Variants in INPP5D observed in about 807,000 individuals in gnomAD.
INPP5D encodes the protein inositol polyphosphate-5-phosphatase D.
A neutral mutation model predicts 122.9 loss-of-function variants in INPP5D; 33 were observed. The ratio of observed to expected loss-of-function variants is 0.27; its 90% CI spans 0.20 to 0.36. The LOEUF is 0.36. INPP5D is among the 10% of genes least tolerant of loss of function. INPP5D has a pLI of 1.00. For synonymous variants in INPP5D, 584 were observed against 576.2 expected (o/e 1.01, Z -0.19); for missense variants, 1,053 against 1,412.7 (o/e 0.75, Z 4.08).
At position 233,199,705 on chromosome 2, in the gene INPP5D, T is replaced by C. The variant is rs538522201; in HGVS notation, c.2975+1329T>C. ...TTAGCTAGATGTGCTGGCACGCACC[T>C]GTAGTCCCAGCTACTCGGGAGGCTG... On this transcript the variant is annotated intron_variant, in intron 25 of 26. Transcript: ENST00000445964. Among the ~76,000 whole-genome samples the C allele has an allele frequency of 2.6e-5, 4 of 151,664 alleles. No homozygotes were observed. The South Asian group carries it at 8.3e-4, about 32-fold the overall frequency.
chr2:233,206,252 TATC>T lies in INPP5D; in HGVS notation c.3568-450_3568-448del, dbSNP rs1345416611. On this transcript the variant is annotated intron_variant, in intron 26 of 26. Coordinates refer to ENST00000445964, the MANE Select transcript of INPP5D (RefSeq NM_001017915.3). The surrounding 1 kb of genome is among the most constrained non-coding windows in gnomAD (Gnocchi z 4.0). ...GCTATTATGTATTATTACCATGTATTATCATCTATATAGAAATTATATATTTAT... is the reference window on the plus strand; with the variant it reads ...GCTATTATGTATTATTACCATGTATTATCTATATAGAAATTATATATTTAT... 1.3e-5 allele frequency among the ~76,000 whole-genome samples: 2 copies of T among 151,998 alleles called. No homozygotes were observed. The highest frequency in any genetic ancestry group is 6.6e-5 in the Admixed American group (1 of 15,252).
intron 1 of INPP5D, among the ~76,000 whole-genome samples, chr2:233,064,615 C>A (rs189940780): frequency 2.6e-5 from 4 of 152,176 alleles, no homozygotes; most frequent in Non-Finnish European, 5.9e-5. Context: ...AGGTGCAGAG[C>A]GGTTTATGGA....
chr2:233,152,545 G>A lies in INPP5D; in HGVS notation c.1030+4951G>A, dbSNP rs140795392. 6.3e-4 allele frequency among the ~76,000 whole-genome samples: 96 copies of A among 152,330 alleles called. No individual in the cohort carries two copies. In the East Asian group the frequency reaches 0.016, roughly 25 times the overall value. ...AAATATACAAACCAGGAATGTGTCA[G>A]GGAATGATAAACTCTAGACCTGGGG... On this transcript the variant is annotated intron_variant, in intron 9 of 26. Coordinates refer to ENST00000445964, the MANE Select transcript of INPP5D (RefSeq NM_001017915.3).
intron 4 of INPP5D, among the ~76,000 whole-genome samples, chr2:233,129,995 G>A (rs780884404): frequency 2.6e-5 from 4 of 152,078 alleles, no homozygotes; most frequent in Middle Eastern, 3.4e-3. Context: ...TCTGCCTTCC[G>A]GGTTCAAATG....
At position 233,128,546 on chromosome 2, in the gene INPP5D, C is replaced by G. The variant is rs940487653; in HGVS notation, c.525-1962C>G. ...AAGCTGGAACACAGTGGCGCGATCTCGGCTCACTGCAACCTCTACCTCCTG... is the reference window on the plus strand; with the variant it reads ...AAGCTGGAACACAGTGGCGCGATCTGGGCTCACTGCAACCTCTACCTCCTG... On this transcript the variant is annotated intron_variant, in intron 4 of 26. Transcript: ENST00000445964. The surrounding 1 kb of genome is among the most constrained non-coding windows in gnomAD (Gnocchi z 4.5). Among the ~76,000 whole-genome samples the G allele has an allele frequency of 6.6e-6, 1 of 152,146 alleles. No individual in the cohort carries two copies. The highest frequency in any genetic ancestry group is 1.5e-5 in the Non-Finnish European group (1 of 68,034).
intron 5 of INPP5D, among the ~76,000 whole-genome samples, chr2:233,139,047 C>T (rs948743676): frequency 6.6e-6 from 1 of 152,126 alleles, no homozygotes; most frequent in African/African-American, 2.4e-5. Context: ...AGCCACCGTG[C>T]CTGGCCCAGA....
At chr2:233,103,285 G>A (rs1692369973) in intron 2 of INPP5D, among the ~76,000 whole-genome samples, 1 of 152,196 alleles carries the variant, frequency 6.6e-6, no homozygotes, top group Non-Finnish European at 1.5e-5. Context: ...GTGAGCCCTG[G>A]GGTATATGCC....
intron 4 of INPP5D, among the ~76,000 whole-genome samples, chr2:233,130,181 C>G (rs1693280489): frequency 6.6e-6 from 1 of 152,216 alleles, no homozygotes; most frequent in Non-Finnish European, 1.5e-5. Flanking sequence ...AGTTGTGAGC[C>G]ACCATGCCCA....
intron 26 of INPP5D, 54 bp downstream of exon 26, chr2:233,204,771 A>AT: frequency 1.5e-6 from 2 of 1,364,026 alleles, no homozygotes; most frequent in South Asian, 1.5e-5. Context: ...TGCATGCGTG[A>AT]GTGCGTATGT....
intron 20 of INPP5D, 83 bp from the exon 21 acceptor site, chr2:233,185,760 T>C (rs1574795370): frequency 7.9e-7 from 1 of 1,267,226 alleles, no homozygotes; most frequent in African/African-American, 1.6e-5. Flanking sequence ...TCTTCCTAGG[T>C]CTGGGTGGGG....
At chr2:233,190,527 T>C (rs567782741) in intron 22 of INPP5D, among the ~76,000 whole-genome samples, 31 of 146,146 alleles carry the variant, frequency 2.1e-4, no homozygotes, top group African/African-American at 7.7e-4. Flanking sequence ...TGAGGTGTCG[T>C]TCAGGGTCCC....
chr2:233,135,519 A>G (rs1693444200), intron 5 of INPP5D, among the ~76,000 whole-genome samples: 1 of 152,150 alleles, frequency 6.6e-6, no homozygotes, highest in South Asian at 2.1e-4. Flanking sequence ...CTAAATGACA[A>G]GAAAAGATAA....
chr2:233,204,867 CGAGTG>C, intron 26 of INPP5D, 150 bp downstream of exon 26: 1 of 1,201,642 alleles, frequency 8.3e-7, no homozygotes, highest in Non-Finnish European at 1.1e-6. Flanking sequence ...TGCACACATG[CGAGTG>C]ATGGTCCTGG....
chr2:233,170,663 G>A lies in INPP5D; in HGVS notation c.1900+59G>A, dbSNP rs1412678384. The A allele has an allele frequency of 6.3e-7, 1 of 1,591,128 alleles. No homozygotes were observed. The highest frequency in any genetic ancestry group is 8.6e-7 in the Non-Finnish European group (1 of 1,165,838). On this transcript the variant is annotated intron_variant, in intron 16 of 26. Transcript: ENST00000445964. The surrounding 1 kb of genome is among the most constrained non-coding windows in gnomAD (Gnocchi z 4.5). Reference sequence around the variant, plus strand: ...TCACACCTGTAATCCCAGCACTTTAGGAGGCCGAGGCGGGCGGATCACGAG... The same window carrying A: ...TCACACCTGTAATCCCAGCACTTTAAGAGGCCGAGGCGGGCGGATCACGAG...
Position 233,197,445 on chromosome 2 carries a change from C to T in INPP5D, c.2694-650C>T, listed in dbSNP as rs1409940145. The stretch of plus-strand genomic sequence containing the variant: ...CCCTGCTGGAGTCTGCCCTGAAAAT[C>T]CCCTCCTTCCTGCCACCCAGGCTAC... On this transcript the variant is annotated intron_variant, in intron 24 of 26. Coordinates refer to ENST00000445964, the MANE Select transcript of INPP5D (RefSeq NM_001017915.3). This position sits in a 1 kb window ranked among gnomAD's most constrained non-coding sequence, Gnocchi z 4.4. Among the ~76,000 whole-genome samples, 1 of 152,002 alleles carries T rather than the reference C, an allele frequency of 6.6e-6. No individual in the cohort carries two copies. Among genetic ancestry groups the T allele is most frequent in the Non-Finnish European group, 1.5e-5 (1 of 67,984 alleles).
intron 10 of INPP5D, among the ~76,000 whole-genome samples, chr2:233,159,429 G>A (rs1694140048): frequency 6.6e-6 from 1 of 152,104 alleles, no homozygotes; most frequent in African/African-American, 2.4e-5. Flanking sequence ...CACAGTGGGT[G>A]CCTTATGCCC....
chr2:233,090,447 T>TC (rs963416044), intron 2 of INPP5D, among the ~76,000 whole-genome samples: 6 of 151,356 alleles, frequency 4.0e-5, no homozygotes, highest in African/African-American at 1.5e-4. Context: ...CCAACCCATC[T>TC]CCCCCCCATA....
In INPP5D at chr2:233,156,773, A is replaced by G. The variant is rs139853917; in HGVS notation, c.1031-1540A>G. Among the ~76,000 whole-genome samples the G allele has an allele frequency of 4.1e-3, 626 of 152,178 alleles. 4 individuals carry two copies. The highest frequency in any genetic ancestry group is 0.014 in the African/African-American group (591 of 41,498). On this transcript the variant is annotated intron_variant, in intron 9 of 26. Coordinates refer to ENST00000445964, the MANE Select transcript of INPP5D (RefSeq NM_001017915.3). Reference sequence around the variant, plus strand: ...TACCTGGCAGGTACCCAGATTACAGACTCCCAAAAGGAAAACAGGTGCTCA... The same window carrying G: ...TACCTGGCAGGTACCCAGATTACAGGCTCCCAAAAGGAAAACAGGTGCTCA...
At position 233,105,470 on chromosome 2, in the gene INPP5D, G is replaced by T. The variant is rs1692442232; in HGVS notation, c.199-16637G>T. Among the ~76,000 whole-genome samples the T allele has an allele frequency of 6.6e-6, 1 of 152,276 alleles. No homozygotes were observed. The highest frequency in any genetic ancestry group is 1.9e-4 in the East Asian group (1 of 5,174). ...TGAGTCTCCCGGAGCACCCTCCCAA[G>T]CTACTGTCCTCTCTTCACAAGCCTC... On this transcript the variant is annotated intron_variant, in intron 2 of 26. Transcript: ENST00000445964. This position sits in a 1 kb window ranked among gnomAD's most constrained non-coding sequence, Gnocchi z 4.0.
Sources: allele counts gnomAD v4.1 joint callset (sites outside exome capture counted in the v4.1 genomes callset), GRCh38; gene constraint gnomAD v4.1.1; non-coding constraint Gnocchi (gnomAD v3.1); transcripts MANE v1.5; gene names NCBI Gene and HGNC (gene_info 2026-07-23, HGNC 2026-07-21).